The following UNC5D variants were observed in gnomAD, a reference collection of about 807,000 sequenced individuals.
The protein encoded by UNC5D is unc-5 netrin receptor D, also known as netrin receptor UNC5D.
A neutral mutation model predicts 105.4 loss-of-function variants in UNC5D; 39 were observed. That is an observed-to-expected ratio of 0.37 (90% CI 0.29 to 0.48). The LOEUF is 0.48. Among genes scored for constraint, UNC5D ranks in the 20% least tolerant of loss-of-function variants. UNC5D has a pLI of 0.98. For missense variants in UNC5D, 991 were observed against 1,202.4 expected, an observed-to-expected ratio of 0.82 and a Z score of 2.60; for synonymous variants, 452 against 450.4, an observed-to-expected ratio of 1.00 and a Z score of -0.04.
At chr8:35,476,346 C>G (rs539218296) in intron 1 of UNC5D, among the ~76,000 whole-genome samples, 1 of 152,158 alleles carries the variant, frequency 6.6e-6, no homozygotes, top group Non-Finnish European at 1.5e-5. Context: ...GACACTTCCC[C>G]TCTTTGAGTA....
At chr8:35,432,374 G>A (rs1484131104) in intron 1 of UNC5D, among the ~76,000 whole-genome samples, 2 of 152,094 alleles carry the variant, frequency 1.3e-5, no homozygotes, top group African/African-American at 4.8e-5. Flanking sequence ...AAAATTATGG[G>A]AAGTACTCAG....
Position 35,322,609 on chromosome 8 carries a change from G to T in UNC5D, c.103+86722G>T, listed in dbSNP as rs758650289. Among the ~76,000 whole-genome samples, 5 of 152,296 alleles carry T rather than the reference G, an allele frequency of 3.3e-5. No homozygotes were observed. The East Asian group carries it at 9.7e-4, about 29-fold the overall frequency. On this transcript the variant is annotated intron_variant, in intron 1 of 16. Transcript: ENST00000404895. Reference sequence around the variant, plus strand: ...CCCTGCTCTGACCCTGTCTTCTCAAGAGGATTTAATAATGATGTGAATAGA... The same window carrying T: ...CCCTGCTCTGACCCTGTCTTCTCAATAGGATTTAATAATGATGTGAATAGA...
At chr8:35,496,964 T>G (rs1811641396) in intron 1 of UNC5D, among the ~76,000 whole-genome samples, 3 of 152,076 alleles carry the variant, frequency 2.0e-5, no homozygotes, top group African/African-American at 7.2e-5. Context: ...CCATCCTACA[T>G]TCATGACTGA....
At chr8:35,753,273 T>C (rs1021406061) in intron 13 of UNC5D, among the ~76,000 whole-genome samples, 1 of 152,158 alleles carries the variant, frequency 6.6e-6, no homozygotes, top group Non-Finnish European at 1.5e-5. Flanking sequence ...GATATTTCTT[T>C]TTTTTTGTTT....
intron 1 of UNC5D, among the ~76,000 whole-genome samples, chr8:35,392,821 C>A (rs1373444631): frequency 6.6e-6 from 1 of 152,152 alleles, no homozygotes; most frequent in Non-Finnish European, 1.5e-5. Context: ...TTGTTCATTG[C>A]AGCCTTTGGC....
chr8:35,315,769 G>T (rs1809255101), intron 1 of UNC5D, among the ~76,000 whole-genome samples: 1 of 152,176 alleles, frequency 6.6e-6, no homozygotes, highest in Non-Finnish European at 1.5e-5. Flanking sequence ...TTGTGAACTT[G>T]TTCAAAGTCA....
At chr8:35,597,088 A>G (rs1347358264) in intron 4 of UNC5D, among the ~76,000 whole-genome samples, 1 of 152,164 alleles carries the variant, frequency 6.6e-6, no homozygotes, top group African/African-American at 2.4e-5. Flanking sequence ...TAAAATTGGG[A>G]TTTTGTAATT....
At chr8:35,768,339 C>CT (rs1801862813) in intron 15 of UNC5D, among the ~76,000 whole-genome samples, 1 of 151,972 alleles carries the variant, frequency 6.6e-6, no homozygotes, top group Non-Finnish European at 1.5e-5. Flanking sequence ...GTAGTTTTGA[C>CT]GGAGAAGGTA....
intron 1 of UNC5D, among the ~76,000 whole-genome samples, chr8:35,251,082 G>A (rs758770529): frequency 1.4e-4 from 21 of 152,170 alleles, no homozygotes; most frequent in African/African-American, 2.7e-4. Flanking sequence ...GAAGATGACC[G>A]CCAATGGTTC....
At chr8:35,641,373 A>G (rs1586316746) in intron 4 of UNC5D, among the ~76,000 whole-genome samples, 4 of 150,554 alleles carry the variant, frequency 2.7e-5, no homozygotes, top group East Asian at 1.9e-4. Context: ...AAGCAAAAAA[A>G]AAAAAAAAAA....
At chr8:35,734,514 G>A (rs1032105446) in intron 11 of UNC5D, among the ~76,000 whole-genome samples, 4 of 151,962 alleles carry the variant, frequency 2.6e-5, no homozygotes, top group Non-Finnish European at 4.4e-5. Flanking sequence ...GGGTTCAAGC[G>A]ATTCTCCTGC....
chr8:35,571,547 G>GT (rs1437202873), intron 3 of UNC5D, among the ~76,000 whole-genome samples: 1 of 152,084 alleles, frequency 6.6e-6, no homozygotes, highest in Non-Finnish European at 1.5e-5. Context: ...AGTCAGGGGG[G>GT]TGGGGGAGTT....
intron 2 of UNC5D, among the ~76,000 whole-genome samples, chr8:35,567,108 C>T (rs1339778509): frequency 6.6e-6 from 1 of 151,916 alleles, no homozygotes; most frequent in Admixed American, 6.6e-5. Context: ...AGGTTGTGGT[C>T]TTAATAGCTG....
chr8:35,515,441 T>G (rs753608492), intron 1 of UNC5D, among the ~76,000 whole-genome samples: 1 of 152,202 alleles, frequency 6.6e-6, no homozygotes, highest in Non-Finnish European at 1.5e-5. Flanking sequence ...TCCCAGCACT[T>G]TGGGAGACCG....
intron 12 of UNC5D, among the ~76,000 whole-genome samples, 169 bp downstream of exon 12, chr8:35,748,864 C>G (rs1331887436): frequency 6.6e-6 from 1 of 152,090 alleles, no homozygotes; most frequent in Non-Finnish European, 1.5e-5. Flanking sequence ...TTTCTTCCCC[C>G]CCCATTATAA....
At chr8:35,677,608 G>A (rs10112630) in intron 4 of UNC5D, among the ~76,000 whole-genome samples, 91,939 of 152,000 alleles carry the variant, frequency 0.6, 30,072 homozygotes, top group African/African-American at 0.87. Context: ...GAAAATACCA[G>A]ACTGATTTCC....
Position 35,461,497 on chromosome 8 carries a change from A to G in UNC5D, c.104-87795A>G, listed in dbSNP as rs148850819. Among the ~76,000 whole-genome samples the G allele has an allele frequency of 1.4e-3, 212 of 152,300 alleles. 1 individual carries two copies. The highest frequency in any genetic ancestry group is 5.0e-3 in the African/African-American group (208 of 41,568). On this transcript the variant is annotated intron_variant, in intron 1 of 16. Transcript: ENST00000404895. ...CTGGAGAGGGTGAAAAAAATCCAAT[A>G]TACAGGATCATTAATGGATCCCATA...
intron 3 of UNC5D, among the ~76,000 whole-genome samples, chr8:35,580,564 A>G (rs1818415452): frequency 6.6e-6 from 1 of 152,162 alleles, no homozygotes; most frequent in African/African-American, 2.4e-5. Context: ...AAAAAAGTAG[A>G]ACAGGCACTA....
chr8:35,601,351 T>C (rs1819870068), intron 4 of UNC5D, among the ~76,000 whole-genome samples: 1 of 152,100 alleles, frequency 6.6e-6, no homozygotes, highest in Non-Finnish European at 1.5e-5. Flanking sequence ...TCATTCCAAT[T>C]CTGTGAAGAA....
Sources: allele counts gnomAD v4.1 joint callset (sites outside exome capture counted in the v4.1 genomes callset), GRCh38; gene constraint gnomAD v4.1.1; transcripts MANE v1.5; gene names NCBI Gene and HGNC (gene_info 2026-07-23, HGNC 2026-07-21).